RFX4: variants seen among roughly 807,000 people sequenced by gnomAD.
The protein encoded by RFX4 is transcription factor RFX4.
Under a neutral mutation model 95.0 loss-of-function variants are expected in RFX4, and 10 were observed. The observed-to-expected ratio is 0.11, with a 90% CI of 0.06 to 0.18. The LOEUF is 0.18. Among genes scored for constraint, RFX4 ranks in the 10% least tolerant of loss-of-function variants. RFX4 has a pLI of 1.00. For synonymous variants in RFX4, 321 were observed against 340.7 expected, an observed-to-expected ratio of 0.94 and a Z score of 0.64; for missense variants, 640 against 922.0, an observed-to-expected ratio of 0.69 and a Z score of 3.96.
chr12:106,741,195 T>C (rs1054496180), intron 15 of RFX4, among the ~76,000 whole-genome samples: 1 of 151,974 alleles, frequency 6.6e-6, no homozygotes, highest in African/African-American at 2.4e-5. Flanking sequence ...GTCTTAAGGA[T>C]AGATAATAGC....
chr12:106,745,512 C>T (rs75872109), intron 15 of RFX4, among the ~76,000 whole-genome samples: 108 of 152,248 alleles, frequency 7.1e-4, no homozygotes, highest in Non-Finnish European at 1.2e-3. Context: ...TATTCCTTAC[C>T]GAGTCTCTGT....
At chr12:106,726,981 AG>A (rs1199351848) in intron 13 of RFX4, among the ~76,000 whole-genome samples, 1 of 152,154 alleles carries the variant, frequency 6.6e-6, no homozygotes, top group Admixed American at 6.6e-5. Context: ...CATGTTGGCC[AG>A]GCTGGTCAGG....
intron 13 of RFX4, among the ~76,000 whole-genome samples, chr12:106,724,270 C>G (rs904041324): frequency 6.6e-6 from 1 of 152,206 alleles, no homozygotes; most frequent in Non-Finnish European, 1.5e-5. Context: ...ATAATAGACA[C>G]TTTCTAAAGA....
chr12:106,592,286 TAA>T (rs2039559738), intron 1 of RFX4, among the ~76,000 whole-genome samples: 1 of 152,186 alleles, frequency 6.6e-6, no homozygotes, highest in Non-Finnish European at 1.5e-5. Context: ...AATGTTGAGA[TAA>T]GTCATTTTTT....
intron 15 of RFX4, chr12:106,733,626 G>A (rs1415104623): frequency 6.5e-6 from 1 of 152,814 alleles, no homozygotes; most frequent in African/African-American, 2.4e-5. Context: ...AAGGGAGGCA[G>A]ACAGGAAACT....
At position 106,704,065 on chromosome 12, in the gene RFX4, C is replaced by CAAAAAAAAAAAA. The variant is rs34213070; in HGVS notation, c.834-5250_834-5239dup. Among the ~76,000 whole-genome samples the CAAAAAAAAAAAA allele has an allele frequency of 4.9e-5, 2 of 40,964 alleles. 1 individual carries two copies. Among genetic ancestry groups the CAAAAAAAAAAAA allele is most frequent in the Non-Finnish European group, 1.1e-4 (2 of 18,472 alleles). 26.9% of individuals were successfully genotyped at this position (40,964 alleles called of 152,430 possible). The stretch of plus-strand genomic sequence containing the variant: ...TGGGTGACATAGCAAGACACTGTCT[C>CAAAAAAAAAAAA]AAAAAAAAAAAAAAAAAAAAAAAAA... On this transcript the variant is annotated intron_variant, in intron 8 of 17. Transcript: ENST00000392842.
chr12:106,687,242 T>C (rs2041680020), intron 6 of RFX4, 145 bp downstream of exon 6: 6 of 747,922 alleles, frequency 8.0e-6, no homozygotes, highest in Admixed American at 2.7e-5. Flanking sequence ...TGCAAAACCG[T>C]GAGTTTAAAA....
At chr12:106,696,164 C>T in intron 7 of RFX4, 119 bp from the exon 8 acceptor site, 1 of 1,205,030 alleles carries the variant, frequency 8.3e-7, no homozygotes, top group Non-Finnish European at 1.2e-6. Context: ...GTGACTTCTG[C>T]TGCCGCAGGG....
intron 3 of RFX4, among the ~76,000 whole-genome samples, chr12:106,651,900 T>A (rs2040863350): frequency 4.6e-5 from 7 of 152,216 alleles, no homozygotes; most frequent in Admixed American, 4.6e-4. Flanking sequence ...AAACAAAGCA[T>A]GTCTGTGAGA....
At chr12:106,752,954 A>G (rs2043037312) in intron 17 of RFX4, among the ~76,000 whole-genome samples, 1 of 152,006 alleles carries the variant, frequency 6.6e-6, no homozygotes, top group Admixed American at 6.6e-5. Context: ...TGCTCGTCTC[A>G]GCTCAGGCCT....
chr12:106,687,849 C>A (rs1469409668), intron 6 of RFX4, among the ~76,000 whole-genome samples: 1 of 152,148 alleles, frequency 6.6e-6, no homozygotes, highest in Non-Finnish European at 1.5e-5. Flanking sequence ...TATGCTGTCT[C>A]ATTTCATGAG....
intron 2 of RFX4, among the ~76,000 whole-genome samples, chr12:106,633,994 G>A (rs1356757313): frequency 6.6e-6 from 1 of 152,162 alleles, no homozygotes; most frequent in African/African-American, 2.4e-5. Flanking sequence ...TACAAACTAG[G>A]ATGGACTGTA....
At chr12:106,734,438 A>G (rs576486330) in intron 15 of RFX4, among the ~76,000 whole-genome samples, 1 of 152,072 alleles carries the variant, frequency 6.6e-6, no homozygotes, top group South Asian at 2.1e-4. Flanking sequence ...TCTACTAAAA[A>G]TACAAAAATT....
At chr12:106,753,028 G>A (rs1343989520) in intron 17 of RFX4, among the ~76,000 whole-genome samples, 1 of 152,026 alleles carries the variant, frequency 6.6e-6, no homozygotes, top group Non-Finnish European at 1.5e-5. Flanking sequence ...TCTAAAATGT[G>A]CCCCATCTCT....
intron 4 of RFX4, among the ~76,000 whole-genome samples, chr12:106,672,662 C>T (rs772177379): frequency 6.6e-6 from 1 of 151,578 alleles, no homozygotes; most frequent in Non-Finnish European, 1.5e-5. Flanking sequence ...CATTTTGAGA[C>T]TCGAACTAAA....
intron 8 of RFX4, among the ~76,000 whole-genome samples, chr12:106,708,857 T>C (rs1180386891): frequency 1.3e-5 from 2 of 152,180 alleles, no homozygotes; most frequent in Non-Finnish European, 2.9e-5. Context: ...ATCAGGGTTG[T>C]TTGCTAATTT....
At chr12:106,742,684 A>C (rs2042827171) in intron 15 of RFX4, among the ~76,000 whole-genome samples, 1 of 152,174 alleles carries the variant, frequency 6.6e-6, no homozygotes, top group Non-Finnish European at 1.5e-5. Context: ...ATACACATTC[A>C]ACTGTAAGAA....
intron 11 of RFX4, among the ~76,000 whole-genome samples, chr12:106,717,109 T>C (rs2042309428): frequency 6.6e-6 from 1 of 151,690 alleles, no homozygotes; most frequent in African/African-American, 2.4e-5. Context: ...TGTCCCCTGA[T>C]GGAAAGTCAA....
intron 2 of RFX4, among the ~76,000 whole-genome samples, chr12:106,632,205 G>A (rs750684386): frequency 3.3e-5 from 5 of 152,162 alleles, no homozygotes; most frequent in South Asian, 2.1e-4. Context: ...CCTCTGCACC[G>A]TGTTAGGAAT....
Sources: allele counts gnomAD v4.1 joint callset (sites outside exome capture counted in the v4.1 genomes callset), GRCh38; gene constraint gnomAD v4.1.1; transcripts MANE v1.5; gene names NCBI Gene and HGNC (gene_info 2026-07-23, HGNC 2026-07-21).